LARP4B: variants seen among roughly 807,000 people sequenced by gnomAD.
LARP4B encodes la-related protein 4B.
In LARP4B, 12 loss-of-function variants were observed where a neutral mutation model predicts 89.8. The ratio of observed to expected loss-of-function variants is 0.13; its 90% CI spans 0.09 to 0.22. The LOEUF (loss-of-function observed/expected upper bound fraction) is 0.22, where lower values mean the gene tolerates loss of function less well. Among genes scored for constraint, LARP4B ranks in the 10% least tolerant of loss-of-function variants. LARP4B has a pLI of 1.00. For synonymous variants in LARP4B, 367 were observed against 363.3 expected (o/e 1.01, Z -0.12); for missense variants, 757 against 947.7 (o/e 0.80, Z 2.64).
At chr10:835,036 T>A (rs1299057758) in intron 8 of LARP4B, among the ~76,000 whole-genome samples, 2 of 137,482 alleles carry the variant, frequency 1.5e-5, no homozygotes, top group Non-Finnish European at 1.6e-5. Flanking sequence ...CAAGACTCCG[T>A]CTCAAAAAAA....
intron 5 of LARP4B, among the ~76,000 whole-genome samples, chr10:854,914 G>A (rs895144538): frequency 1.3e-5 from 2 of 152,156 alleles, no homozygotes; most frequent in African/African-American, 2.4e-5. Flanking sequence ...GTCATTTACT[G>A]TAGCCATCTT....
At chr10:966,629 G>T in the LARP4B span, among the ~76,000 whole-genome samples, 2 of 152,250 alleles carry the variant, frequency 1.3e-5, no homozygotes, top group African/African-American at 4.8e-5. Context: ...CAGAACGGGA[G>T]TGTCAGCACC....
At chr10:931,016 A>AT (rs1830575774) in intron 1 of LARP4B, among the ~76,000 whole-genome samples, 1 of 148,646 alleles carries the variant, frequency 6.7e-6, no homozygotes, top group African/African-American at 2.5e-5. Context: ...CCTTCGCCCA[A>AT]CCCCGGCCTC....
intron 1 of LARP4B, among the ~76,000 whole-genome samples, chr10:909,613 C>T (rs552631924): frequency 3.3e-5 from 5 of 151,580 alleles, no homozygotes; most frequent in Non-Finnish European, 5.9e-5. Context: ...GGTGAAACCT[C>T]GTCTCTACTA....
the LARP4B span, chr10:971,941 G>C: frequency 6.4e-6 from 1 of 156,540 alleles, no homozygotes; most frequent in Non-Finnish European, 1.4e-5. Flanking sequence ...TGCCCCTGTG[G>C]ATGGAATATG....
intron 11 of LARP4B, among the ~76,000 whole-genome samples, chr10:827,149 G>A (rs1361297604): frequency 1.3e-5 from 2 of 151,960 alleles, no homozygotes; most frequent in Non-Finnish European, 2.9e-5. Flanking sequence ...AGTGGCGGGC[G>A]CCTGTAGTCC....
At chr10:837,593 T>A (rs1030911132) in intron 7 of LARP4B, among the ~76,000 whole-genome samples, 2 of 152,182 alleles carry the variant, frequency 1.3e-5, no homozygotes, top group Non-Finnish European at 2.9e-5. Context: ...AGTGTTAGCA[T>A]CCAATCAGAC....
chr10:934,580 G>T (rs886434765), upstream of LARP4B, among the ~76,000 whole-genome samples: 1 of 151,942 alleles, frequency 6.6e-6, no homozygotes, highest in African/African-American at 2.4e-5. Context: ...ATCAGAACTG[G>T]GCTTTTTGTT....
At chr10:958,154 C>G in the LARP4B span, among the ~76,000 whole-genome samples, 1 of 152,180 alleles carries the variant, frequency 6.6e-6, no homozygotes, top group Non-Finnish European at 1.5e-5. Flanking sequence ...ACTGGGTTGT[C>G]ACTTGGATTT....
chr10:863,669 T>C, intron 5 of LARP4B, 74 bp downstream of exon 5: 2 of 1,424,172 alleles, frequency 1.4e-6, no homozygotes, highest in Non-Finnish European at 1.9e-6. Flanking sequence ...TAGAGAATGT[T>C]AATACTCTAA....
At chr10:839,703 C>T (rs942967218) in intron 7 of LARP4B, among the ~76,000 whole-genome samples, 1 of 152,174 alleles carries the variant, frequency 6.6e-6, no homozygotes, top group Admixed American at 6.5e-5. Flanking sequence ...GGTGGCCAAC[C>T]GTAAAATGGT....
intron 8 of LARP4B, among the ~76,000 whole-genome samples, chr10:835,302 T>C (rs550616974): frequency 9.2e-5 from 14 of 152,222 alleles, no homozygotes; most frequent in African/African-American, 3.4e-4. Context: ...TTGTTTTCCT[T>C]AAGAAACTCT....
chr10:827,042 A>T (rs1267415864), intron 11 of LARP4B, among the ~76,000 whole-genome samples: 1 of 152,046 alleles, frequency 6.6e-6, no homozygotes, highest in Non-Finnish European at 1.5e-5. Flanking sequence ...TGGGAGGCCA[A>T]GGGGGGGCGG....
the LARP4B span, chr10:987,483 T>C: frequency 1.3e-5 from 2 of 152,272 alleles, no homozygotes; most frequent in Non-Finnish European, 2.9e-5. Flanking sequence ...AGCCCACCTC[T>C]GCTGCCTGTT....
the LARP4B span, among the ~76,000 whole-genome samples, chr10:950,970 G>A: frequency 6.6e-6 from 1 of 151,590 alleles, no homozygotes; most frequent in South Asian, 2.1e-4. Context: ...CTTCCCGCCT[G>A]CCTGTCTGCC....
At chr10:858,951 A>T (rs926250678) in intron 5 of LARP4B, among the ~76,000 whole-genome samples, 10 of 152,178 alleles carry the variant, frequency 6.6e-5, no homozygotes, top group African/African-American at 2.2e-4. Flanking sequence ...CAGGAGTTCG[A>T]ACCCAGCCTG....
the LARP4B span, chr10:942,850 C>T: frequency 6.6e-6 from 1 of 152,196 alleles, no homozygotes; most frequent in Non-Finnish European, 1.5e-5. Context: ...TGGGAGAGGC[C>T]CACATGGAGA....
At chr10:963,497 T>C in the LARP4B span, among the ~76,000 whole-genome samples, 1 of 152,190 alleles carries the variant, frequency 6.6e-6, no homozygotes, top group Non-Finnish European at 1.5e-5. Flanking sequence ...CTGGGGGCTT[T>C]TGGATATATT....
chr10:818,005 C>G (rs1588847862), intron 14 of LARP4B, 116 bp from the exon 15 acceptor site: 1 of 1,013,874 alleles, frequency 9.9e-7, no homozygotes, highest in Non-Finnish European at 1.4e-6. Context: ...TCAACCCAGA[C>G]AAGGGCTTCC....
Sources: allele counts gnomAD v4.1 joint callset (sites outside exome capture counted in the v4.1 genomes callset), GRCh38; gene constraint gnomAD v4.1.1; transcripts MANE v1.5; gene names NCBI Gene and HGNC (gene_info 2026-07-23, HGNC 2026-07-21).